SLX9: variants seen among roughly 807,000 people sequenced by gnomAD.
SLX9 encodes the protein SLX9 ribosome biogenesis factor, also known as ribosome biogenesis protein SLX9 homolog.
A neutral mutation model predicts 20.8 loss-of-function variants in SLX9; 19 were observed. The ratio of observed to expected loss-of-function variants is 0.91; its 90% confidence interval spans 0.64 to 1.34. SLX9 has a LOEUF of 1.34. SLX9 is among the 40% of genes most tolerant of loss of function. SLX9 has a pLI of 0.00. For missense variants in SLX9, 299 were observed against 322.2 expected (o/e 0.93, Z 0.55); for synonymous variants, 113 against 137.1 (o/e 0.82, Z 1.23).
intron 2 of SLX9, among the ~76,000 whole-genome samples, chr21:44,958,011 C>G (rs1440062154): frequency 6.6e-6 from 1 of 152,248 alleles, no homozygotes; most frequent in Non-Finnish European, 1.5e-5. Context: ...TGAGTGTGCA[C>G]CCTTCTGTAG....
chr21:44,967,703 G>A (rs578047121), intron 4 of SLX9, among the ~76,000 whole-genome samples: 8 of 152,328 alleles, frequency 5.3e-5, no homozygotes, highest in East Asian at 1.9e-4. Flanking sequence ...AGGGTGGCCC[G>A]TGAGGACGGC....
At chr21:44,942,486 G>C (rs1373050634) in intron 1 of SLX9, among the ~76,000 whole-genome samples, 2 of 152,330 alleles carry the variant, frequency 1.3e-5, no homozygotes, top group East Asian at 3.9e-4. Context: ...GGGAGTTGCA[G>C]TCCAGCCTGG....
chr21:44,976,760 C>T lies in SLX9; in HGVS notation c.650C>T (p.Thr217Met), dbSNP rs151001739. The T allele has an allele frequency of 8.4e-6, 13 of 1,554,880 alleles. No individual in the cohort carries two copies. The highest frequency in any genetic ancestry group is 8.2e-5 in the African/African-American group (6 of 73,330). Residue 217 changes from threonine (T) to methionine (M), a missense_variant, in exon 6 of 6, where the codon ACG becomes ATG. Thr to Met is a moderately conservative substitution (Grantham distance 81). Transcript: ENST00000291634. ...AGCCCCCTGGTGGCCATCGGGCAGACGCTGGCCCGGCAGATGCAGCTGGAA... is the reference window on the plus strand; with the variant it reads ...AGCCCCCTGGTGGCCATCGGGCAGATGCTGGCCCGGCAGATGCAGCTGGAA... ...RASPLVAIGQTLARQMQLEDG... is the reference protein window; with the variant it reads ...RASPLVAIGQMLARQMQLEDG...
At chr21:44,965,330 G>C (rs1454378184) in intron 3 of SLX9, among the ~76,000 whole-genome samples, 1 of 152,188 alleles carries the variant, frequency 6.6e-6, no homozygotes, top group African/African-American at 2.4e-5. Context: ...AGTGTTCCCA[G>C]GCCGTGGGTC....
rs554932563 is a variant in SLX9 at position 44,960,122 on chromosome 21, G to A, written c.306G>A (p.Leu102=). 31 of 1,614,230 alleles carry A rather than the reference G, an allele frequency of 1.9e-5. No individual in the cohort carries two copies. The East Asian group carries it at 6.7e-4, about 35-fold the overall frequency. ...CAGGTGCAGAGGCCAAGACCGTTTTGCCCAAGAAGGAGAAAATGAAGCTGA... is the reference window on the plus strand; with the variant it reads ...CAGGTGCAGAGGCCAAGACCGTTTTACCCAAGAAGGAGAAAATGAAGCTGA... ...IRRGAEAKTV[L]PKKEKMKLRR... is the part of the protein sequence containing the mutation. The change falls in exon 3 of 6, where the codon TTG becomes TTA. Residue 102 remains leucine, a synonymous_variant. Transcript: ENST00000291634.
chr21:44,939,967 G>A (rs1459910211), upstream of SLX9: 11 of 1,306,432 alleles, frequency 8.4e-6, no homozygotes, highest in Non-Finnish European at 9.9e-6. Context: ...GGGGCTCCCG[G>A]CAGCCGCGGC....
chr21:44,958,082 A>G (rs555125159), intron 2 of SLX9, among the ~76,000 whole-genome samples: 5 of 152,298 alleles, frequency 3.3e-5, no homozygotes, highest in African/African-American at 1.2e-4. Context: ...CTGGCTTGGT[A>G]TTCCTGGTGC....
rs374090706 is a variant in SLX9, at chr21:44,970,595, C to G, written c.501-2602C>G. The stretch of plus-strand genomic sequence containing the variant: ...GGTTTGGCGTGCCTGGGCGGCGGGC[C>G]GTGTCTCTGGGAACTGCATCTTGGT... On this transcript the variant is annotated intron_variant, in intron 4 of 5. Transcript: ENST00000291634. 3.3e-5 allele frequency among the ~76,000 whole-genome samples: 5 copies of G among 152,326 alleles called. No homozygotes were observed. In the East Asian group the frequency reaches 9.7e-4, roughly 29 times the overall value.
Position 44,957,198 on chromosome 21 carries a change from A to T in SLX9, c.284-2902A>T, listed in dbSNP as rs1476976013. 2.6e-5 allele frequency among the ~76,000 whole-genome samples: 4 copies of T among 152,314 alleles called. No individual in the cohort carries two copies. The South Asian group carries it at 8.3e-4, about 32-fold the overall frequency. On this transcript the variant is annotated intron_variant, in intron 2 of 5. Coordinates refer to ENST00000291634, the MANE Select transcript of SLX9 (RefSeq NM_058190.4). ...CACCCCCAGAGCTCTGTGATGAGTCAGCTCAGGGCAGGTTTCTAGTCACTC... is the reference window on the plus strand; with the variant it reads ...CACCCCCAGAGCTCTGTGATGAGTCTGCTCAGGGCAGGTTTCTAGTCACTC...
At chr21:44,973,876 G>A (rs554353199) in intron 5 of SLX9, among the ~76,000 whole-genome samples, 1 of 152,284 alleles carries the variant, frequency 6.6e-6, no homozygotes, top group East Asian at 1.9e-4. Flanking sequence ...GTCAAGTCCC[G>A]CCTCCCAGGA....
rs578089140 is a variant in SLX9, at chr21:44,968,044, G to C, written c.500+863G>C. On this transcript the variant is annotated intron_variant, in intron 4 of 5. Transcript: ENST00000291634. ...GGTGGGTTCTGGGCCCTTAGTGCAT[G>C]AGTGGCCAAGCCAGCGGGCCTGGGC... 2.9e-4 allele frequency among the ~76,000 whole-genome samples: 44 copies of C among 151,824 alleles called. No homozygotes were observed. The South Asian group carries it at 9.1e-3, about 32-fold the overall frequency.
At chr21:44,969,908 A>G (rs1416563706) in intron 4 of SLX9, among the ~76,000 whole-genome samples, 3 of 151,318 alleles carry the variant, frequency 2.0e-5, no homozygotes, top group African/African-American at 7.3e-5. Flanking sequence ...CTTGGTTTTA[A>G]TGACCTTGAC....
intron 2 of SLX9, among the ~76,000 whole-genome samples, chr21:44,957,701 C>T (rs1435665193): frequency 6.6e-6 from 1 of 152,180 alleles, no homozygotes; most frequent in African/African-American, 2.4e-5. Flanking sequence ...CATGTTCCCC[C>T]ACAGGGAGGC....
intron 3 of SLX9, among the ~76,000 whole-genome samples, chr21:44,960,799 G>T (rs1249734602): frequency 6.6e-6 from 1 of 152,216 alleles, no homozygotes; most frequent in African/African-American, 2.4e-5. Context: ...TTGTTTTGGA[G>T]TATCTCCTTA....
At chr21:44,965,900 C>T (rs1378483226) in intron 3 of SLX9, among the ~76,000 whole-genome samples, 7 of 152,186 alleles carry the variant, frequency 4.6e-5, no homozygotes, top group Admixed American at 3.3e-4. Flanking sequence ...AATGAGGTGC[C>T]GAGTAACGTG....
chr21:44,969,055 A>G, intron 4 of SLX9: 1 of 435,748 alleles, frequency 2.3e-6, no homozygotes, highest in South Asian at 1.6e-5. Flanking sequence ...GCCTGGCCTA[A>G]TTTTGCTGTT....
At chr21:44,944,175 AG>A (rs1206430078) in intron 2 of SLX9, among the ~76,000 whole-genome samples, 1 of 152,190 alleles carries the variant, frequency 6.6e-6, no homozygotes, top group East Asian at 1.9e-4. Context: ...TGTTTGGGGC[AG>A]TTTTGATCCT....
Position 44,943,715 on chromosome 21 carries a change from C to T in SLX9, c.161C>T (p.Ala54Val). 6.2e-7 allele frequency: 1 copy of T among 1,614,150 alleles called. No homozygotes were observed. Among genetic ancestry groups the T allele is most frequent in the Non-Finnish European group, 8.5e-7 (1 of 1,180,000 alleles). The change falls in exon 2 of 6, where the codon GCC becomes GTC. Residue 54 changes from alanine to valine, a missense_variant. Physicochemically the swap from Ala to Val is moderately conservative, Grantham distance 64 (BLOSUM62 0). Transcript: ENST00000291634. ...DWAFINTNIF[A>V]RTKIDPSALV... ...GCGTTCATCAACACCAACATCTTTG[C>T]CAGGACCAAGATAGACCCCAGCGCC...
At chr21:44,939,973 G>C, upstream of SLX9, 1 of 1,329,638 alleles carries the variant, frequency 7.5e-7, no homozygotes, top group Non-Finnish European at 9.7e-7. Flanking sequence ...CCCGGCAGCC[G>C]CGGCTCCTGT....
Sources: gnomAD v4.1 joint callset for allele counts (sites outside exome capture counted in the v4.1 genomes callset) on GRCh38, gnomAD v4.1.1 for gene constraint, MANE v1.5 for transcripts, NCBI Gene and HGNC (gene_info 2026-07-23, HGNC 2026-07-21) for gene names.